Variants in TMEM74 observed in about 807,000 individuals in gnomAD.
TMEM74 encodes the protein transmembrane protein 74.
TMEM74 carries 13 observed loss-of-function variants against 18.1 expected under a neutral mutation model. The observed-to-expected ratio is 0.72, with a 90% CI of 0.47 to 1.14. TMEM74 has a LOEUF of 1.14. Among genes scored for constraint, TMEM74 ranks in the 50% most tolerant of loss-of-function variants. TMEM74 has a pLI of 0.00. For missense variants in TMEM74, 372 were observed against 375.9 expected (o/e 0.99, Z 0.09); for synonymous variants, 159 against 146.6 (o/e 1.08, Z -0.61).
intron 1 of TMEM74, among the ~76,000 whole-genome samples, chr8:108,732,586 T>A (rs1813707306): frequency 6.6e-6 from 1 of 152,046 alleles, no homozygotes; most frequent in South Asian, 2.1e-4. Flanking sequence ...CACATATATA[T>A]GATAAAATAA....
chr8:108,665,008 T>C (rs1812934837), intron 1 of TMEM74, among the ~76,000 whole-genome samples: 1 of 148,892 alleles, frequency 6.7e-6, no homozygotes, highest in African/African-American at 2.4e-5. Context: ...TTGATCCAAC[T>C]TAAAGCTTTT....
intron 1 of TMEM74, among the ~76,000 whole-genome samples, chr8:108,727,554 T>C (rs138398987): frequency 6.6e-6 from 1 of 152,116 alleles, no homozygotes; most frequent in Non-Finnish European, 1.5e-5. Context: ...GTGAAGCTAG[T>C]TTTTTGAGGA....
intron 1 of TMEM74, among the ~76,000 whole-genome samples, chr8:108,675,680 G>C (rs565873938): frequency 6.6e-6 from 1 of 152,306 alleles, no homozygotes; most frequent in African/African-American, 2.4e-5. Flanking sequence ...GGAGCTAAAT[G>C]GCAGGAAAAT....
chr8:108,646,550 T>C (rs1812722281), intron 2 of TMEM74, among the ~76,000 whole-genome samples: 4 of 152,136 alleles, frequency 2.6e-5, no homozygotes. Context: ...ATGCCTTTTA[T>C]TGTATATTCT....
chr8:108,642,857 G>A (rs1164337584), intron 2 of TMEM74, among the ~76,000 whole-genome samples: 2 of 152,140 alleles, frequency 1.3e-5, no homozygotes, highest in African/African-American at 4.8e-5. Flanking sequence ...TAAATTCATT[G>A]TAGGAATTGT....
At chr8:108,756,736 G>A (rs3019900) in intron 1 of TMEM74, among the ~76,000 whole-genome samples, 1 of 48,008 alleles carries the variant, frequency 2.1e-5, no homozygotes, top group African/African-American at 8.8e-5. Context: ...GAAAGAAAGA[G>A]AAAGAAAGAA....
intron 1 of TMEM74, among the ~76,000 whole-genome samples, chr8:108,672,242 A>C (rs1020275913): frequency 2.2e-4 from 33 of 152,136 alleles, no homozygotes; most frequent in African/African-American, 7.7e-4. Flanking sequence ...ACCCATTTTT[A>C]TGGGGAGGAA....
intron 2 of TMEM74, among the ~76,000 whole-genome samples, chr8:108,651,995 A>G (rs1256420914): frequency 1.3e-5 from 2 of 152,028 alleles, no homozygotes; most frequent in African/African-American, 4.8e-5. Context: ...ACACTCTACT[A>G]ACTACTTAAA....
chr8:108,765,785 C>T (rs2935787), intron 1 of TMEM74, among the ~76,000 whole-genome samples: 38,893 of 151,902 alleles, frequency 0.26, 5,466 homozygotes, highest in Middle Eastern at 0.33. Flanking sequence ...AATTTTTAAA[C>T]AGATTGACTG....
intron 1 of TMEM74, among the ~76,000 whole-genome samples, chr8:108,687,202 G>C (rs1309134527): frequency 6.6e-6 from 1 of 151,776 alleles, no homozygotes; most frequent in Admixed American, 6.6e-5. Flanking sequence ...AAGTGCAAGA[G>C]ATTATTTTGA....
At chr8:108,715,065 A>G (rs892395956) in intron 1 of TMEM74, among the ~76,000 whole-genome samples, 6 of 152,214 alleles carry the variant, frequency 3.9e-5, no homozygotes, top group African/African-American at 1.4e-4. Context: ...CAAAAGCTAC[A>G]GAGCTGTATA....
At chr8:108,768,383 CT>C (rs1178129238) in intron 1 of TMEM74, among the ~76,000 whole-genome samples, 1 of 152,182 alleles carries the variant, frequency 6.6e-6, no homozygotes, top group Non-Finnish European at 1.5e-5. Flanking sequence ...ATCTTCCCAA[CT>C]ATCCTCACCT....
At chr8:108,701,334 G>A (rs1413306528) in intron 1 of TMEM74, among the ~76,000 whole-genome samples, 1 of 152,114 alleles carries the variant, frequency 6.6e-6, no homozygotes, top group African/African-American at 2.4e-5. Flanking sequence ...CTGAGATCAG[G>A]AAGAAGGCAA....
chr8:108,669,765 T>TGC (rs1563745127), intron 1 of TMEM74, among the ~76,000 whole-genome samples: 1 of 152,094 alleles, frequency 6.6e-6, no homozygotes, highest in African/African-American at 2.4e-5. Flanking sequence ...GGGCCAGGCA[T>TGC]GGTGGCTCAC....
At chr8:108,650,828 A>T (rs891796503) in intron 2 of TMEM74, among the ~76,000 whole-genome samples, 1 of 152,088 alleles carries the variant, frequency 6.6e-6, no homozygotes, top group Admixed American at 6.5e-5. Context: ...CTCCTGCCTC[A>T]GCCTCCTGAG....
chr8:108,697,019 A>G (rs1813287301), intron 1 of TMEM74, among the ~76,000 whole-genome samples: 1 of 152,282 alleles, frequency 6.6e-6, no homozygotes, highest in African/African-American at 2.4e-5. Flanking sequence ...TGGTGCTGTC[A>G]TTTCCACTGT....
chr8:108,737,745 T>C (rs1435463935), intron 1 of TMEM74, among the ~76,000 whole-genome samples: 1 of 152,082 alleles, frequency 6.6e-6, no homozygotes. Context: ...AAAAATTCAG[T>C]AGAGGAGGAA....
chr8:108,689,056 G>C (rs772486192), intron 1 of TMEM74, among the ~76,000 whole-genome samples: 1 of 152,142 alleles, frequency 6.6e-6, no homozygotes, highest in Admixed American at 6.5e-5. Context: ...TTTGACAAAG[G>C]TGCCCACTTA....
chr8:108,700,765 G>T (rs1343969125), intron 1 of TMEM74, among the ~76,000 whole-genome samples: 1 of 152,188 alleles, frequency 6.6e-6, no homozygotes, highest in Non-Finnish European at 1.5e-5. Context: ...TTTATGAGAA[G>T]TGAGTGACTG....
Sources: gnomAD v4.1 joint callset for allele counts (sites outside exome capture counted in the v4.1 genomes callset) on GRCh38, gnomAD v4.1.1 for gene constraint, MANE v1.5 for transcripts, NCBI Gene and HGNC (gene_info 2026-07-23, HGNC 2026-07-21) for gene names.